EPPK1: variants seen among roughly 807,000 people sequenced by gnomAD.
EPPK1 encodes epiplakin 1.
For missense variants in EPPK1, 3,823 were observed against 3,673.3 expected (o/e 1.04, Z -1.05); for synonymous variants, 1,862 against 1,721.2 (o/e 1.08, Z -2.03).
In EPPK1 at chr8:143,871,996, G is replaced by A. The variant is rs150515166; in HGVS notation, c.1258C>T (p.Arg420Cys). Residue 420 changes from arginine (R) to cysteine (C), a missense_variant, in exon 2 of 2, where the codon CGC (arginine) becomes TGC (cysteine). By Grantham distance (180) the Arg-to-Cys change is radical. Coordinates refer to ENST00000615648, the MANE Select transcript of EPPK1 (RefSeq NM_031308.4). ...RLRLPLEAAL[R>C]CGCLDEDTQR... ...GTGTCTTCATCCAGGCAGCCGCAGC[G>A]CAGGGCGGCCTCCAGGGGCAGCCGG... 4.1e-4 allele frequency: 653 copies of A among 1,582,394 alleles called. No homozygotes were observed. In the East Asian group the frequency reaches 4.9e-3, roughly 12 times the overall value.
chr8:143,868,840 G>A lies in EPPK1; in HGVS notation c.4414C>T (p.Leu1472=), dbSNP rs541687733. The A allele has an allele frequency of 5.3e-4, 847 of 1,607,676 alleles. 15 individuals are homozygous for A. In the South Asian group the frequency reaches 9.0e-3, roughly 17 times the overall value. The change falls in exon 2 of 2, where the codon CTG becomes TTG. Residue 1472 remains leucine, a synonymous_variant. Transcript: ENST00000615648. ...FKGCSVSLWD[L]LLSEYVGADK... is the part of the protein sequence containing the mutation. ...GCGCCAACGTATTCGGAGAGCAGCA[G>A]GTCCCAGAGTGACACGCTACACCCC...
chr8:143,867,620 A>G lies in EPPK1; in HGVS notation c.5634T>C (p.Thr1878=), dbSNP rs782021058. 1.2e-6 allele frequency: 2 copies of G among 1,613,222 alleles called. No homozygotes were observed. The highest frequency in any genetic ancestry group is 1.7e-5 in the Admixed American group (1 of 60,020). Residue 1878 remains threonine (T), a synonymous_variant, in exon 2 of 2, where the codon ACT becomes ACC. Transcript: ENST00000615648. ...CCAGCGTGCTGAGTGCCTGTCCCCC[A>G]GTCCTCCCCACACGAAGTGTGTGCA... ...KTLHTLRVGR[T]GGQALSTLEC...
Position 143,868,750 on chromosome 8 carries a change from C to A in EPPK1, c.4504G>T (p.Val1502Phe). 1.3e-6 allele frequency: 2 copies of A among 1,584,692 alleles called. No individual in the cohort carries two copies. Among genetic ancestry groups the A allele is most frequent in the Non-Finnish European group, 1.7e-6 (2 of 1,170,592 alleles). The change falls in exon 2 of 2, where the codon GTC becomes TTC. Residue 1502 changes from valine to phenylalanine, a missense_variant. Physicochemically the swap from Val to Phe is conservative, Grantham distance 50. Transcript: ENST00000615648. ...SGRAAALRQV[V>F]SAVTTLVEAA... Reference sequence around the variant, plus strand: ...TCGACCAGGGTGGTGACTGCGCTGACCACCTGCCGCAGGGCCGCAGCCCTC... The same window carrying A: ...TCGACCAGGGTGGTGACTGCGCTGAACACCTGCCGCAGGGCCGCAGCCCTC...
chr8:143,872,661 A>G lies in EPPK1; in HGVS notation c.593T>C (p.Leu198Pro). The G allele has an allele frequency of 1.9e-6, 3 of 1,608,784 alleles. No homozygotes were observed. The highest frequency in any genetic ancestry group is 1.7e-6 in the Non-Finnish European group (2 of 1,179,090). ...LSELEPGTGD[L>P]RFLDPNTLER... ...CAGCGTGTTGGGGTCGAGGAAGCGC[A>G]GGTCACCTGTGCCAGGCTCAAGCTC... Residue 198 changes from leucine to proline, a missense_variant, in exon 2 of 2, where the codon CTG becomes CCG. Physicochemically the swap from Leu to Pro is moderately conservative, Grantham distance 98. Transcript: ENST00000615648.
rs782371479 is a variant in EPPK1 at position 143,858,014 on chromosome 8, G to T, written c.15240C>A (p.Leu5080=). ...QRATLDPETG[L]LFLSLSLQ ...ACTGTAGAGAGAGAGAAAGAAATAG[G>T]AGCCCCGTCTCAGGGTCCAGGGTGG... Residue 5080 remains leucine (L), a synonymous_variant, in exon 2 of 2, where the codon CTC becomes CTA. Transcript: ENST00000615648. 30 of 1,609,350 alleles carry T rather than the reference G, an allele frequency of 1.9e-5. No individual in the cohort carries two copies. In the East Asian group the frequency reaches 5.8e-4, roughly 31 times the overall value.
At position 143,868,776 on chromosome 8, in the gene EPPK1, C is replaced by T. The variant is rs1554660082; in HGVS notation, c.4478G>A (p.Gly1493Glu). Residue 1493 changes from glycine (G) to glutamate (E), a missense_variant, in exon 2 of 2, where the codon GGG becomes GAG. Coordinates refer to ENST00000615648, the MANE Select transcript of EPPK1 (RefSeq NM_031308.4). ...CACCTGCCGCAGGGCCGCAGCCCTCCCAGACCGACAGAGTGCCACCAGCTC... is the reference window on the plus strand; with the variant it reads ...CACCTGCCGCAGGGCCGCAGCCCTCTCAGACCGACAGAGTGCCACCAGCTC... ...RRELVALCRSGRAAALRQVVS... is the reference protein window; with the variant it reads ...RRELVALCRSERAAALRQVVS... 1 of 1,597,998 alleles carries T rather than the reference C, an allele frequency of 6.3e-7. No homozygotes were observed. The highest frequency in any genetic ancestry group is 1.7e-5 in the Admixed American group (1 of 58,938).
At chr8:143,876,261 G>C (rs562380162) in intron 1 of EPPK1, among the ~76,000 whole-genome samples, 2 of 152,170 alleles carry the variant, frequency 1.3e-5, no homozygotes, top group Non-Finnish European at 2.9e-5. Context: ...CCCAGCCCTA[G>C]AGGGGACCCT....
At chr8:143,877,189 G>C (rs1443655318) in intron 1 of EPPK1, among the ~76,000 whole-genome samples, 1 of 152,184 alleles carries the variant, frequency 6.6e-6, no homozygotes, top group Admixed American at 6.5e-5. Flanking sequence ...CTGACCTTGG[G>C]CCTGGTATGA....
In EPPK1 at chr8:143,869,502, A is replaced by G. The variant is rs1554660366; in HGVS notation, c.3752T>C (p.Val1251Ala). ...CLWGTGCVAG[V>A]LLQPSGAKAS... ...CTTGGCCCCAGAGGGCTGTAGCAGC[A>G]CACCGGCCACGCAGCCTGTGCCCCA... Residue 1251 changes from valine (V) to alanine (A), a missense_variant, in exon 2 of 2, where the codon GTG becomes GCG. By Grantham distance (64) the Val-to-Ala change is moderately conservative. Transcript: ENST00000615648. 1.3e-6 allele frequency: 2 copies of G among 1,547,194 alleles called. No homozygotes were observed. Among genetic ancestry groups the G allele is most frequent in the Admixed American group, 3.8e-5 (2 of 52,424 alleles).
Position 143,873,225 on chromosome 8 carries a change from G to C in EPPK1, c.29C>G (p.Pro10Arg), listed in dbSNP as rs1349315796. Residue 10 changes from proline (P) to arginine (R), a missense_variant, in exon 2 of 2, where the codon CCC (proline) becomes CGC (arginine). Coordinates refer to ENST00000615648, the MANE Select transcript of EPPK1 (RefSeq NM_031308.4). MSGHTLPPL[P>R]VPGTNSTEQA... is the part of the protein sequence containing the mutation. ...CTCTGTGCTGTTGGTGCCTGGGACG[G>C]GAAGAGGAGGCAAGGTGTGGCCACT... The C allele has an allele frequency of 1.9e-6, 3 of 1,575,156 alleles. No homozygotes were observed. The highest frequency in any genetic ancestry group is 2.7e-5 in the African/African-American group (2 of 73,340).
chr8:143,867,338 T>A lies in EPPK1; in HGVS notation c.5916A>T (p.Glu1972Asp), dbSNP rs782308067. ...GATCCCTGTAGCCCGTGGCAGCTCT[T>A]TCAGCCTTCAGGAGCCTCTCCCGCA... ...EELRERLLKA[E>D]RAATGYRDPA... Residue 1972 changes from glutamate to aspartate, a missense_variant, in exon 2 of 2, where the codon GAA becomes GAT. Transcript: ENST00000615648. 3.1e-6 allele frequency: 5 copies of A among 1,612,736 alleles called. No individual in the cohort carries two copies. The African/African-American group carries it at 6.7e-5, about 21-fold the overall frequency.
rs781888072 is a variant in EPPK1, at chr8:143,868,279, G to A, written c.4975C>T (p.Gln1659Ter). 8.1e-6 allele frequency: 13 copies of A among 1,613,200 alleles called. No individual in the cohort carries two copies. Among genetic ancestry groups the A allele is most frequent in the Middle Eastern group, 3.3e-4 (2 of 6,062 alleles). Residue 1659 changes from glutamine (Q) to a stop codon, truncating the protein, a stop_gained, in exon 2 of 2, where the codon CAG becomes TAG. Coordinates refer to ENST00000615648, the MANE Select transcript of EPPK1 (RefSeq NM_031308.4). LOFTEE classifies it low-confidence loss of function (END_TRUNC). ...ATGGCCTGGAAGAGGGAGATCTGCT[G>A]CCCGGTATAGGGGTCGGTGTAGCCG... ...VTGYTDPYTG[Q>*]QISLFQAMQK...
rs1554657989 is a variant in EPPK1, at chr8:143,858,115, G to C, written c.15139C>G (p.Pro5047Ala). ...DEEMNRVLADPSDDTKGFFDP... is the reference protein window; with the variant it reads ...DEEMNRVLADASDDTKGFFDP... ...AAGAAGCCCTTGGTGTCGTCGCTGG[G>C]GTCGGCCAGGACGCGGTTCATCTCC... Residue 5047 changes from proline (P) to alanine (A), a missense_variant, in exon 2 of 2, where the codon CCC (proline) becomes GCC (alanine). Coordinates refer to ENST00000615648, the MANE Select transcript of EPPK1 (RefSeq NM_031308.4). 1.3e-5 allele frequency: 21 copies of C among 1,613,344 alleles called. No homozygotes were observed. Among genetic ancestry groups the C allele is most frequent in the Non-Finnish European group, 1.7e-6 (2 of 1,180,050 alleles).
intron 1 of EPPK1, 124 bp from the exon 2 acceptor site, chr8:143,873,422 A>T (rs34627661): frequency 0.45 from 286,936 of 637,260 alleles, 69,839 homozygotes; most frequent in Middle Eastern, 0.61. Flanking sequence ...GTGCAGCTAG[A>T]GTGTCCCCGA....
At position 143,867,381 on chromosome 8, in the gene EPPK1, C is replaced by T; in HGVS notation, c.5873G>A (p.Gly1958Asp). ...CTCCCGCAGCTCCTCGTTCACCAGG[C>T]CCACATCCACAGCCTCATCCACAGA... Reference protein sequence around the residue: ...KLSVDEAVDVGLVNEELRERL... With the variant: ...KLSVDEAVDVDLVNEELRERL... Residue 1958 changes from glycine (G) to aspartate (D), a missense_variant, in exon 2 of 2, where the codon GGC becomes GAC. Gly to Asp is a moderately conservative substitution (Grantham distance 94). Coordinates refer to ENST00000615648, the MANE Select transcript of EPPK1 (RefSeq NM_031308.4). 1 of 1,612,918 alleles carries T rather than the reference C, an allele frequency of 6.2e-7. No homozygotes were observed. The highest frequency in any genetic ancestry group is 2.2e-5 in the East Asian group (1 of 44,884).
rs201440780 is a variant in EPPK1, at chr8:143,872,433, C to G, written c.821G>C (p.Arg274Pro). Residue 274 changes from arginine (R) to proline (P), a missense_variant, in exon 2 of 2, where the codon CGT (arginine) becomes CCT (proline). Coordinates refer to ENST00000615648, the MANE Select transcript of EPPK1 (RefSeq NM_031308.4). ...CTCCAGGTAGCGCCGCACCTCGGCA[C>G]GTGCACTCACGTCCACTGCGGCCAG... ...GRLAAVDVSA[R>P]AEVRRYLEGT... The G allele has an allele frequency of 1.2e-5, 19 of 1,600,050 alleles. No homozygotes were observed. The African/African-American group carries it at 2.4e-4, about 20-fold the overall frequency.
Position 143,871,598 on chromosome 8 carries a change from A to T in EPPK1, c.1656T>A (p.Ala552=). The change falls in exon 2 of 2, where the codon GCT becomes GCA. Residue 552 remains alanine (A), a synonymous_variant. Coordinates refer to ENST00000615648, the MANE Select transcript of EPPK1 (RefSeq NM_031308.4). ...AAKLSATLEQ[A]AATARVTFSG... ...AAAAGGTGACCCTGGCAGTGGCTGCAGCCTGCTCGAGGGTGGCGCTCAGCT... is the reference window on the plus strand; with the variant it reads ...AAAAGGTGACCCTGGCAGTGGCTGCTGCCTGCTCGAGGGTGGCGCTCAGCT... 1 of 1,607,948 alleles carries T rather than the reference A, an allele frequency of 6.2e-7. No homozygotes were observed. The highest frequency in any genetic ancestry group is 8.5e-7 in the Non-Finnish European group (1 of 1,178,490).
rs782321586 is a variant in EPPK1 at position 143,870,597 on chromosome 8, C to A, written c.2657G>T (p.Arg886Leu). The A allele has an allele frequency of 1.9e-6, 3 of 1,608,214 alleles. No homozygotes were observed. The highest frequency in any genetic ancestry group is 2.5e-6 in the Non-Finnish European group (3 of 1,178,342). ...ADIMLPALRSRVTVHQLLEAG... is the reference protein window; with the variant it reads ...ADIMLPALRSLVTVHQLLEAG... ...CTCCAGGAGCTGGTGGACGGTGACCCGGCTCCGCAGTGCGGGCAGCATGAT... is the reference window on the plus strand; with the variant it reads ...CTCCAGGAGCTGGTGGACGGTGACCAGGCTCCGCAGTGCGGGCAGCATGAT... The change falls in exon 2 of 2, where the codon CGG (arginine) becomes CTG (leucine). Residue 886 changes from arginine to leucine, a missense_variant. Physicochemically the swap from Arg to Leu is moderately radical, Grantham distance 102. Coordinates refer to ENST00000615648, the MANE Select transcript of EPPK1 (RefSeq NM_031308.4). This position sits in a 1 kb window ranked among gnomAD's most constrained non-coding sequence, Gnocchi z 5.2.
chr8:143,868,353 A>C lies in EPPK1; in HGVS notation c.4901T>G (p.Phe1634Cys), dbSNP rs1819213260. The change falls in exon 2 of 2, where the codon TTC becomes TGC. Residue 1634 changes from phenylalanine to cysteine, a missense_variant. Coordinates refer to ENST00000615648, the MANE Select transcript of EPPK1 (RefSeq NM_031308.4). ...TVEEAFKAGM[F>C]GKETYVKLLS... The stretch of plus-strand genomic sequence containing the variant: ...CAGCTTCACGTAGGTTTCTTTCCCG[A>C]ACATTCCTGCTTTGAACGCCTCCTC... 1 of 1,613,032 alleles carries C rather than the reference A, an allele frequency of 6.2e-7. No individual in the cohort carries two copies. The highest frequency in any genetic ancestry group is 8.5e-7 in the Non-Finnish European group (1 of 1,179,998).
Sources: gnomAD v4.1 joint callset for allele counts (sites outside exome capture counted in the v4.1 genomes callset) on GRCh38, gnomAD v4.1.1 for gene constraint, Gnocchi (gnomAD v3.1) non-coding constraint, MANE v1.5 for transcripts, NCBI Gene and HGNC (gene_info 2026-07-23, HGNC 2026-07-21) for gene names.